OOEP: variants seen among roughly 807,000 people sequenced by gnomAD.
OOEP encodes oocyte expressed protein, also known as oocyte-expressed protein homolog.
In OOEP, 16 loss-of-function variants were observed where a neutral mutation model predicts 13.7. The observed-to-expected ratio is 1.16, with a 90% confidence interval of 0.79 to 1.77. The LOEUF is 1.77. OOEP is among the 40% of genes most tolerant of loss of function. The pLI, the probability that OOEP is intolerant of heterozygous loss-of-function variation, is 0.00. For synonymous variants in OOEP, 89 were observed against 77.1 expected, an observed-to-expected ratio of 1.15 and a Z score of -0.81; for missense variants, 195 against 193.1, an observed-to-expected ratio of 1.01 and a Z score of -0.06.
At chr6:73,375,791 CTTT>C (rs35879934) in intron 2 of OOEP, among the ~76,000 whole-genome samples, 69 of 106,654 alleles carry the variant, frequency 6.5e-4, no homozygotes, top group East Asian at 1.1e-3. Flanking sequence ...AATGATCTCC[CTTT>C]TTTTTTTTTT....
intron 2 of OOEP, among the ~76,000 whole-genome samples, chr6:73,392,580 A>C (rs1769361793): frequency 6.7e-6 from 1 of 148,412 alleles, no homozygotes; most frequent in East Asian, 2.0e-4. Context: ...CTGAGATTAC[A>C]GGTGTGAGCC....
chr6:73,372,147 C>T (rs115930603), upstream of OOEP, among the ~76,000 whole-genome samples: 377 of 152,230 alleles, frequency 2.5e-3, 1 homozygote, highest in African/African-American at 7.6e-3. Context: ...AATCATGAGA[C>T]GCACTTACAT....
chr6:73,384,925 C>T (rs1356558931), intron 2 of OOEP, among the ~76,000 whole-genome samples: 8 of 151,540 alleles, frequency 5.3e-5, no homozygotes, highest in South Asian at 2.1e-4. Flanking sequence ...TTAGTAGAGA[C>T]GGGGTTTTAT....
chr6:73,370,803 G>A (rs1457197368), upstream of OOEP, among the ~76,000 whole-genome samples: 1 of 152,048 alleles, frequency 6.6e-6, no homozygotes, highest in African/African-American at 2.4e-5. Context: ...ATTTTTCTGA[G>A]ATAGGTCTCA....
At chr6:73,389,499 G>C (rs1281024462) in intron 2 of OOEP, among the ~76,000 whole-genome samples, 1 of 152,126 alleles carries the variant, frequency 6.6e-6, no homozygotes, top group Non-Finnish European at 1.5e-5. Context: ...TTCTAACCAA[G>C]TTGGGATTTA....
intron 2 of OOEP, among the ~76,000 whole-genome samples, chr6:73,390,761 T>C (rs1769337442): frequency 6.6e-6 from 1 of 151,210 alleles, no homozygotes; most frequent in Admixed American, 6.6e-5. Flanking sequence ...TTTCTTTTTT[T>C]TTCTTTTTTT....
At chr6:73,381,981 A>G (rs556711245) in intron 2 of OOEP, among the ~76,000 whole-genome samples, 1 of 152,218 alleles carries the variant, frequency 6.6e-6, no homozygotes, top group South Asian at 2.1e-4. Flanking sequence ...ACTCTGTCTC[A>G]AAAACAAAAC....
chr6:73,382,978 AGGCATGCGCCACCATGCACGTCT>A lies in OOEP; in HGVS notation c.25+11345_25+11367del, dbSNP rs1769229372. On this transcript the variant is annotated intron_variant, in intron 2 of 3. Transcript: ENST00000370363. ...CAGCCTTCCAAGTAACTGGAACTAC[AGGCATGCGCCACCATGCACGTCT>A]AATTTTTGTATTTTTTTTATAGAGA... is the stretch of plus-strand genomic sequence containing the variant. Among the ~76,000 whole-genome samples the A allele has an allele frequency of 5.3e-5, 8 of 149,782 alleles. No homozygotes were observed. In the Admixed American group the frequency reaches 5.4e-4, roughly 10 times the overall value.
intron 2 of OOEP, among the ~76,000 whole-genome samples, chr6:73,389,607 T>A (rs1769318949): frequency 1.3e-5 from 2 of 149,242 alleles, no homozygotes; most frequent in East Asian, 2.0e-4. Flanking sequence ...TGTGAAAAAA[T>A]TTAAAATAAC....
chr6:73,376,222 T>C (rs1395516406), intron 2 of OOEP, among the ~76,000 whole-genome samples: 2 of 152,184 alleles, frequency 1.3e-5, no homozygotes, highest in Non-Finnish European at 2.9e-5. Context: ...CTGGAGGATC[T>C]AAGTCACTTT....
At chr6:73,375,355 A>G (rs1358797945) in intron 2 of OOEP, among the ~76,000 whole-genome samples, 1 of 152,010 alleles carries the variant, frequency 6.6e-6, no homozygotes, top group Non-Finnish European at 1.5e-5. Context: ...AGATAGGAGG[A>G]CTGCCTGAGG....
chr6:73,392,948 A>G (rs1471701789), intron 2 of OOEP, among the ~76,000 whole-genome samples: 1 of 150,986 alleles, frequency 6.6e-6, no homozygotes, highest in Non-Finnish European at 1.5e-5. Context: ...TTGCATTTTT[A>G]TTAGAGATGG....
chr6:73,393,980 A>G (rs374336398), intron 2 of OOEP, among the ~76,000 whole-genome samples: 18 of 152,350 alleles, frequency 1.2e-4, no homozygotes, highest in African/African-American at 4.3e-4. Context: ...CAAGAGCATG[A>G]AAACCCAATC....
Position 73,368,717 on chromosome 6 carries a change from T to C in OOEP, c.*67A>G. The C allele has an allele frequency of 1.9e-6, 2 of 1,048,856 alleles. No individual in the cohort carries two copies. Among genetic ancestry groups the C allele is most frequent in the Non-Finnish European group, 3.0e-6 (2 of 670,190 alleles). 65.0% of individuals were successfully genotyped at this position (1,048,856 alleles called of 1,614,324 possible). A position where few individuals can be genotyped will look rare whatever the true frequency, so the allele number is the denominator to read the frequency against. On this transcript the variant is annotated 3_prime_UTR_variant, in exon 3 of 3. Coordinates refer to ENST00000370359, the MANE Select transcript of OOEP (RefSeq NM_001080507.3). ...TACGGGGATTTAAGAATGCTATACTTGCTTTTCTTCAACTTTAGCAGCAAA... is the reference window on the plus strand; with the variant it reads ...TACGGGGATTTAAGAATGCTATACTCGCTTTTCTTCAACTTTAGCAGCAAA...
At chr6:73,387,275 G>A (rs1011001649) in intron 2 of OOEP, among the ~76,000 whole-genome samples, 3 of 151,970 alleles carry the variant, frequency 2.0e-5, no homozygotes, top group African/African-American at 7.2e-5. Context: ...TTGGGAGGCC[G>A]AGGTGGGTGG....
intron 2 of OOEP, among the ~76,000 whole-genome samples, chr6:73,389,802 A>T (rs1769322430): frequency 6.6e-6 from 1 of 152,226 alleles, no homozygotes; most frequent in Non-Finnish European, 1.5e-5. Context: ...ATATGTAACA[A>T]ACCTGCACGT....
upstream of OOEP, among the ~76,000 whole-genome samples, chr6:73,370,906 T>G (rs1001310409): frequency 3.9e-5 from 6 of 152,168 alleles, no homozygotes; most frequent in Non-Finnish European, 7.4e-5. Context: ...CTCAGCCTCC[T>G]GAGTAGCTGA....
rs769372925 is a variant in OOEP at position 73,369,794 on chromosome 6, C to T, written c.-2G>A. ...AGCGGCACCAGCATCATCGACCATA[C>T]TGGGACCAGCAGCCGCGGAGCGCGC... On this transcript the variant is annotated 5_prime_UTR_variant, in exon 1 of 3. Transcript: ENST00000370359. 9.3e-6 allele frequency: 15 copies of T among 1,610,404 alleles called. No individual in the cohort carries two copies. Among genetic ancestry groups the T allele is most frequent in the African/African-American group, 6.7e-5 (5 of 74,898 alleles).
chr6:73,394,474 G>A, exon 2 of OOEP: 3 of 669,272 alleles, frequency 4.5e-6, no homozygotes, highest in East Asian at 5.4e-5. Flanking sequence ...TGGGCAACAC[G>A]GCGACACCCC....
Sources: allele counts gnomAD v4.1 joint callset (sites outside exome capture counted in the v4.1 genomes callset), GRCh38; gene constraint gnomAD v4.1.1; transcripts MANE v1.5; gene names NCBI Gene and HGNC (gene_info 2026-07-23, HGNC 2026-07-21).